RAPGEF5: variants seen among roughly 807,000 people sequenced by gnomAD.
RAPGEF5 encodes Rap guanine nucleotide exchange factor 5, also known as M-Ras-regulated GEF.
Under a neutral mutation model 125.2 loss-of-function variants are expected in RAPGEF5, and 65 were observed. That is an observed-to-expected ratio of 0.52 (90% CI 0.43 to 0.64). The LOEUF is 0.64. Among genes scored for constraint, RAPGEF5 ranks in the 30% least tolerant of loss-of-function variants. The pLI is 0.00. For synonymous variants in RAPGEF5, 391 were observed against 385.9 expected (o/e 1.01, Z -0.16); for missense variants, 958 against 1,048.1 (o/e 0.91, Z 1.19).
intron 7 of RAPGEF5, among the ~76,000 whole-genome samples, chr7:22,260,624 C>T (rs975117992): frequency 1.3e-5 from 2 of 151,234 alleles, no homozygotes; most frequent in African/African-American, 2.4e-5. Flanking sequence ...ACAAAAATGT[C>T]GACTTGTACA....
rs145674005 is a variant in RAPGEF5 at position 22,309,765 on chromosome 7, G to A, written c.511+204C>T. The stretch of plus-strand genomic sequence containing the variant: ...GTAATATTAGTCTATGAATCAGCAA[G>A]TATCTAATAATTTTTGCAAGAATTG... On this transcript the variant is annotated intron_variant, in intron 4 of 25. Coordinates refer to ENST00000665637, the MANE Select transcript of RAPGEF5 (RefSeq NM_012294.5). Among the ~76,000 whole-genome samples the A allele has an allele frequency of 1.1e-4, 16 of 152,270 alleles. No individual in the cohort carries two copies. In the East Asian group the frequency reaches 3.1e-3, roughly 29 times the overall value.
At chr7:22,236,074 C>A (rs1786180801) in intron 7 of RAPGEF5, among the ~76,000 whole-genome samples, 1 of 152,136 alleles carries the variant, frequency 6.6e-6, no homozygotes, top group Non-Finnish European at 1.5e-5. Flanking sequence ...CCAATGACCA[C>A]TACATCTCTG....
At chr7:22,259,295 T>C (rs1221032676) in intron 7 of RAPGEF5, among the ~76,000 whole-genome samples, 1 of 152,140 alleles carries the variant, frequency 6.6e-6, no homozygotes, top group Admixed American at 6.5e-5. Flanking sequence ...CAAAGAGATA[T>C]CACTACACAT....
chr7:22,157,973 A>G, intron 14 of RAPGEF5, 88 bp from the exon 15 acceptor site: 1 of 1,258,118 alleles, frequency 7.9e-7, no homozygotes, highest in South Asian at 1.3e-5. Context: ...TTCCAGCACT[A>G]GGCAGAGGAT....
At chr7:22,283,123 T>G (rs1243043191) in intron 6 of RAPGEF5, among the ~76,000 whole-genome samples, 2 of 152,056 alleles carry the variant, frequency 1.3e-5, no homozygotes, top group African/African-American at 4.8e-5. Context: ...GTCATTTCAT[T>G]ATAGGCACTT....
intron 6 of RAPGEF5, among the ~76,000 whole-genome samples, chr7:22,282,683 A>G (rs1437064957): frequency 2.0e-5 from 3 of 152,228 alleles, no homozygotes; most frequent in Admixed American, 1.3e-4. Flanking sequence ...AAAGTATCAA[A>G]ATGCCTGTGC....
intron 7 of RAPGEF5, among the ~76,000 whole-genome samples, chr7:22,244,829 T>C (rs1786435026): frequency 6.6e-6 from 1 of 152,208 alleles, no homozygotes; most frequent in Admixed American, 6.5e-5. Context: ...ATTTCAATTC[T>C]TTTGAATAGA....
At chr7:22,170,296 C>T (rs916423911) in intron 11 of RAPGEF5, among the ~76,000 whole-genome samples, 2 of 152,186 alleles carry the variant, frequency 1.3e-5, no homozygotes, top group Admixed American at 6.5e-5. Flanking sequence ...CTCAGGTGAT[C>T]TGCCAGCCTT....
chr7:22,186,898 A>G (rs950768432), intron 11 of RAPGEF5, among the ~76,000 whole-genome samples: 4 of 152,208 alleles, frequency 2.6e-5, no homozygotes, highest in Admixed American at 2.6e-4. Flanking sequence ...CTGCAAATGG[A>G]ATTTAGTAGT....
At chr7:22,272,646 C>A (rs1782462443) in intron 6 of RAPGEF5, among the ~76,000 whole-genome samples, 1 of 152,080 alleles carries the variant, frequency 6.6e-6, no homozygotes. Context: ...ATGTTTTATT[C>A]CCAAAAAATA....
At chr7:22,329,798 G>A (rs1265858580) in intron 1 of RAPGEF5, among the ~76,000 whole-genome samples, 3 of 152,174 alleles carry the variant, frequency 2.0e-5, no homozygotes, top group Non-Finnish European at 4.4e-5. Context: ...ATGAGTGGCA[G>A]ACAGGTAAAA....
chr7:22,125,923 G>A lies in RAPGEF5; in HGVS notation c.2482-265C>T, dbSNP rs946869608. 5.3e-5 allele frequency among the ~76,000 whole-genome samples: 8 copies of A among 152,130 alleles called. No individual in the cohort carries two copies. In the East Asian group the frequency reaches 5.8e-4, roughly 11 times the overall value. ...AGCACTTTGGGAGGCTGAGGTGGGC[G>A]GATCACTTGAGGTCAGGAGTTTGAG... On this transcript the variant is annotated intron_variant, in intron 24 of 25. Coordinates refer to ENST00000665637, the MANE Select transcript of RAPGEF5 (RefSeq NM_012294.5).
In RAPGEF5 at chr7:22,122,482, T is replaced by A. The variant is rs187051224; in HGVS notation, c.2576A>T (p.Tyr859Phe). The A allele has an allele frequency of 1.2e-6, 2 of 1,613,864 alleles. No individual in the cohort carries two copies. Among genetic ancestry groups the A allele is most frequent in the East Asian group, 2.2e-5 (1 of 44,868 alleles). The part of the protein sequence containing the change: ...SPKEHQELKS[Y>F]VNHLYVIDSQ... ...GTCAATGACATACAGGTGATTAACA[T>A]AGGACTTTAACTCTTGATGCTCTTT... Residue 859 changes from tyrosine (Y) to phenylalanine (F), a missense_variant, in exon 26 of 26, where the codon TAT (tyrosine) becomes TTT (phenylalanine). Coordinates refer to ENST00000665637, the MANE Select transcript of RAPGEF5 (RefSeq NM_012294.5).
intron 24 of RAPGEF5, among the ~76,000 whole-genome samples, 164 bp from the exon 25 acceptor site, chr7:22,125,822 T>G (rs928378198): frequency 6.6e-6 from 1 of 152,198 alleles, no homozygotes; most frequent in African/African-American, 2.4e-5. Context: ...GAGCTTGGAT[T>G]ATCAAAGAAT....
chr7:22,214,349 A>C (rs530223053), intron 9 of RAPGEF5, among the ~76,000 whole-genome samples: 7 of 152,188 alleles, frequency 4.6e-5, no homozygotes, highest in Non-Finnish European at 8.8e-5. Context: ...TACAGACAGG[A>C]TCCCTAGGGA....
chr7:22,319,570 T>C (rs1347634049), intron 1 of RAPGEF5, among the ~76,000 whole-genome samples: 1 of 152,220 alleles, frequency 6.6e-6, no homozygotes, highest in African/African-American at 2.4e-5. Flanking sequence ...TGTCTAAATA[T>C]ACTACCAATC....
At chr7:22,263,219 A>G (rs1471205049) in intron 7 of RAPGEF5, among the ~76,000 whole-genome samples, 1 of 152,206 alleles carries the variant, frequency 6.6e-6, no homozygotes, top group African/African-American at 2.4e-5. Context: ...CGCTGTGTTG[A>G]TGAAAATGTT....
At chr7:22,187,485 A>T (rs561082263) in intron 11 of RAPGEF5, among the ~76,000 whole-genome samples, 1 of 152,336 alleles carries the variant, frequency 6.6e-6, no homozygotes, top group Non-Finnish European at 1.5e-5. Flanking sequence ...TGTGAAACCT[A>T]AGGACCATCC....
chr7:22,245,281 T>C (rs1786446918), intron 7 of RAPGEF5, among the ~76,000 whole-genome samples: 1 of 152,234 alleles, frequency 6.6e-6, no homozygotes, highest in Non-Finnish European at 1.5e-5. Context: ...TTCTGTTAAT[T>C]ACTCCCTTTC....
Sources: allele counts gnomAD v4.1 joint callset (sites outside exome capture counted in the v4.1 genomes callset), GRCh38; gene constraint gnomAD v4.1.1; transcripts MANE v1.5; gene names NCBI Gene and HGNC (gene_info 2026-07-23, HGNC 2026-07-21).